Variants in FBXL17 observed in about 807,000 individuals in gnomAD.
FBXL17 encodes the protein F-box/LRR-repeat protein 17.
A neutral mutation model predicts 66.2 loss-of-function variants in FBXL17; 22 were observed. The ratio of observed to expected loss-of-function variants is 0.33; its 90% CI spans 0.24 to 0.47. The LOEUF is 0.47. Ranked by LOEUF, FBXL17 falls within the 20% of genes least tolerant of loss-of-function variation. The pLI is 1.00. For missense variants in FBXL17, 878 were observed against 948.2 expected (o/e 0.93, Z 0.97); for synonymous variants, 474 against 400.5 (o/e 1.18, Z -2.19).
At chr5:107,980,662 A>ATTTTTTTT (rs1428679219) in intron 7 of FBXL17, among the ~76,000 whole-genome samples, 10 of 65,802 alleles carry the variant, frequency 1.5e-4, no homozygotes, top group African/African-American at 9.3e-4. Flanking sequence ...ATATATATAT[A>ATTTTTTTT]TATTTTTTTT....
intron 6 of FBXL17, among the ~76,000 whole-genome samples, chr5:108,053,559 T>C (rs2112828293): frequency 6.6e-6 from 1 of 151,812 alleles, no homozygotes; most frequent in Middle Eastern, 3.4e-3. Context: ...AAAACCACAA[T>C]GAGATACCAT....
intron 7 of FBXL17, among the ~76,000 whole-genome samples, chr5:108,009,259 T>TAATA (rs1491338610): frequency 0.011 from 107 of 10,084 alleles, 33 homozygotes; most frequent in Admixed American, 0.019. Flanking sequence ...TTGTTCCCTG[T>TAATA]TTTATATATA....
intron 6 of FBXL17, among the ~76,000 whole-genome samples, chr5:108,093,100 C>G (rs286822): frequency 0.021 from 3,246 of 152,128 alleles, 123 homozygotes; most frequent in African/African-American, 0.073. Context: ...TCCCTCCCCC[C>G]ATACATGCAT....
At chr5:108,184,939 T>C (rs929867475) in intron 6 of FBXL17, among the ~76,000 whole-genome samples, 1 of 152,066 alleles carries the variant, frequency 6.6e-6, no homozygotes, top group African/African-American at 2.4e-5. Context: ...CTTGGAAACT[T>C]ACTGGGCAAG....
intron 5 of FBXL17, among the ~76,000 whole-genome samples, chr5:108,203,422 T>C (rs1294041432): frequency 6.6e-6 from 1 of 152,170 alleles, no homozygotes; most frequent in Non-Finnish European, 1.5e-5. Flanking sequence ...TATCAATTAA[T>C]GGATCACATC....
At chr5:107,915,863 T>C (rs1423631890) in intron 7 of FBXL17, among the ~76,000 whole-genome samples, 3 of 152,176 alleles carry the variant, frequency 2.0e-5, no homozygotes, top group Non-Finnish European at 2.9e-5. Context: ...CTGACATCTA[T>C]TGGTTCAAAG....
At chr5:108,209,165 T>C (rs1754257386) in intron 5 of FBXL17, among the ~76,000 whole-genome samples, 2 of 152,234 alleles carry the variant, frequency 1.3e-5, no homozygotes, top group Admixed American at 6.5e-5. Flanking sequence ...TGATTTTGTA[T>C]CCTGAGACTT....
intron 7 of FBXL17, among the ~76,000 whole-genome samples, chr5:107,888,651 G>A (rs923711173): frequency 6.6e-6 from 1 of 152,122 alleles, no homozygotes; most frequent in Non-Finnish European, 1.5e-5. Context: ...CATTATGCAT[G>A]TGAGATCCAT....
In FBXL17 at chr5:108,092,047, G is replaced by A. The variant is rs116549274; in HGVS notation, c.1746-71046C>T. 3.9e-3 allele frequency among the ~76,000 whole-genome samples: 593 copies of A among 152,268 alleles called. 7 individuals are homozygous for A. Among genetic ancestry groups the A allele is most frequent in the African/African-American group, 0.014 (576 of 41,566 alleles). On this transcript the variant is annotated intron_variant, in intron 6 of 8. Transcript: ENST00000542267. The stretch of plus-strand genomic sequence containing the variant: ...ATTTTCTGGCATTAGCTTTGGCGCT[G>A]TCCTGTAATCTGCCAGGCTGAGGAA...
intron 7 of FBXL17, among the ~76,000 whole-genome samples, chr5:107,993,061 A>C (rs1350886522): frequency 6.6e-6 from 1 of 151,862 alleles, no homozygotes; most frequent in African/African-American, 2.4e-5. Flanking sequence ...ACGCCTGGCT[A>C]ATTTTTTGTA....
intron 6 of FBXL17, among the ~76,000 whole-genome samples, chr5:108,109,744 T>C (rs1212387719): frequency 6.6e-6 from 1 of 152,172 alleles, no homozygotes; most frequent in Admixed American, 6.5e-5. Context: ...TATGGGAATA[T>C]TTAATTACAT....
chr5:108,145,847 A>G (rs1751533198), intron 6 of FBXL17, among the ~76,000 whole-genome samples: 1 of 150,598 alleles, frequency 6.6e-6, no homozygotes, highest in Admixed American at 6.6e-5. Flanking sequence ...AATAATAATA[A>G]TAATTCATTA....
At chr5:108,347,844 C>CA (rs929768165) in intron 4 of FBXL17, among the ~76,000 whole-genome samples, 1 of 151,720 alleles carries the variant, frequency 6.6e-6, no homozygotes, top group African/African-American at 2.4e-5. Context: ...AATTATCTCT[C>CA]AAAAAAAATT....
chr5:108,289,534 G>C (rs1361661103), intron 4 of FBXL17, among the ~76,000 whole-genome samples: 2 of 152,046 alleles, frequency 1.3e-5, no homozygotes, highest in Non-Finnish European at 2.9e-5. Flanking sequence ...CGTTCATTAG[G>C]TTTCAAGGGA....
chr5:108,313,826 T>C (rs2150203802), intron 4 of FBXL17, among the ~76,000 whole-genome samples: 1 of 151,990 alleles, frequency 6.6e-6, no homozygotes, highest in Middle Eastern at 3.4e-3. Flanking sequence ...AAAAACATTT[T>C]TGAACAATTA....
At chr5:107,891,753 T>C (rs952700675) in intron 7 of FBXL17, among the ~76,000 whole-genome samples, 1 of 152,164 alleles carries the variant, frequency 6.6e-6, no homozygotes, top group Non-Finnish European at 1.5e-5. Flanking sequence ...CTTGGATTAG[T>C]AGGAATACAC....
At chr5:108,059,128 G>A (rs1427100446) in intron 6 of FBXL17, among the ~76,000 whole-genome samples, 1 of 152,178 alleles carries the variant, frequency 6.6e-6, no homozygotes, top group Non-Finnish European at 1.5e-5. Flanking sequence ...ATATTCCATA[G>A]AACAACTTCT....
At chr5:107,952,012 A>G (rs1172948337) in intron 7 of FBXL17, among the ~76,000 whole-genome samples, 2 of 152,212 alleles carry the variant, frequency 1.3e-5, no homozygotes, top group Admixed American at 1.3e-4. Flanking sequence ...AATAAATGAT[A>G]ATCTGAATAT....
At chr5:108,316,070 G>A (rs924046783) in intron 4 of FBXL17, among the ~76,000 whole-genome samples, 4 of 151,338 alleles carry the variant, frequency 2.6e-5, no homozygotes, top group Non-Finnish European at 4.4e-5. Flanking sequence ...CTCTTTGAAT[G>A]AGGCCCACAC....
Sources: allele counts gnomAD v4.1 joint callset (sites outside exome capture counted in the v4.1 genomes callset), GRCh38; gene constraint gnomAD v4.1.1; transcripts MANE v1.5; gene names NCBI Gene and HGNC (gene_info 2026-07-23, HGNC 2026-07-21).